PREX2: variants seen among roughly 807,000 people sequenced by gnomAD.
PREX2 encodes the protein phosphatidylinositol-3,4,5-trisphosphate dependent Rac exchange factor 2, also known as phosphatidylinositol 3,4,5-trisphosphate-dependent Rac exchanger 2 protein.
In PREX2, 107 loss-of-function variants were observed where a neutral mutation model predicts 203.2. The observed-to-expected ratio is 0.53, with a 90% CI of 0.45 to 0.62. PREX2 has a LOEUF of 0.62. Among genes scored for constraint, PREX2 ranks in the 20% least tolerant of loss-of-function variants. The pLI, the probability that PREX2 is intolerant of heterozygous loss-of-function variation, is 0.00. For missense variants in PREX2, 1,777 were observed against 1,955.9 expected (o/e 0.91, Z 1.72); for synonymous variants, 672 against 663.6 (o/e 1.01, Z -0.19).
At chr8:68,154,422 A>AT (rs1213612507) in intron 34 of PREX2, among the ~76,000 whole-genome samples, 1 of 152,234 alleles carries the variant, frequency 6.6e-6, no homozygotes, top group Non-Finnish European at 1.5e-5. Context: ...AATCTCAGAT[A>AT]TTAATTACCT....
chr8:68,230,075 AC>A (rs1284780590), intron 39 of PREX2, among the ~76,000 whole-genome samples: 1 of 152,182 alleles, frequency 6.6e-6, no homozygotes, highest in Non-Finnish European at 1.5e-5. Context: ...GACTTGAAAT[AC>A]GTTTTGCAAA....
At chr8:68,125,588 C>T (rs575689503) in intron 30 of PREX2, among the ~76,000 whole-genome samples, 18 of 152,216 alleles carry the variant, frequency 1.2e-4, no homozygotes, top group South Asian at 6.2e-4. Context: ...GTCCCTAAGA[C>T]GATGCCTATC....
intron 35 of PREX2, among the ~76,000 whole-genome samples, chr8:68,157,958 T>C (rs1457086396): frequency 6.6e-6 from 1 of 151,772 alleles, no homozygotes; most frequent in Non-Finnish European, 1.5e-5. Context: ...GTGTTACTGG[T>C]ACAATGATAA....
At position 68,236,107 on chromosome 8, in the gene PREX2, G is replaced by GA; in HGVS notation, c.*4731dup. 6.6e-6 allele frequency: 1 copy of GA among 152,216 alleles called. No homozygotes were observed. Among genetic ancestry groups the GA allele is most frequent in the South Asian group, 2.1e-4 (1 of 4,822 alleles). The allele number at this position is 152,216 out of a possible 1,614,324, so 9.4% of individuals were successfully genotyped here. ...AATCGAGTTGTTCAATGTATTGAAT[G>GA]AATGTCTTACTGTAAGCATCAGAGC... On this transcript the variant is annotated 3_prime_UTR_variant, in exon 40 of 40. Coordinates refer to ENST00000288368, the MANE Select transcript of PREX2 (RefSeq NM_024870.4).
At chr8:68,211,944 T>C (rs1005111804) in intron 37 of PREX2, among the ~76,000 whole-genome samples, 1 of 152,212 alleles carries the variant, frequency 6.6e-6, no homozygotes, top group African/African-American at 2.4e-5. Flanking sequence ...GGTTGGGTAT[T>C]TAGTAAATTA....
chr8:68,197,598 C>T (rs1477026177), intron 37 of PREX2, among the ~76,000 whole-genome samples: 1 of 151,748 alleles, frequency 6.6e-6, no homozygotes, highest in Non-Finnish European at 1.5e-5. Flanking sequence ...CTTAATATTA[C>T]CACATTGGTG....
At chr8:68,097,352 T>G in intron 22 of PREX2, 151 bp downstream of exon 22, 1 of 636,772 alleles carries the variant, frequency 1.6e-6, no homozygotes, top group Non-Finnish European at 2.6e-6. Context: ...TGAGACAGAA[T>G]ATCACTCTGT....
chr8:68,199,429 A>G (rs1055436749), intron 37 of PREX2, among the ~76,000 whole-genome samples: 3 of 152,228 alleles, frequency 2.0e-5, no homozygotes, highest in Admixed American at 6.5e-5. Flanking sequence ...ACATTTAACA[A>G]TGCTGCAGAC....
At chr8:68,058,736 G>A (rs1035203266) in intron 10 of PREX2, among the ~76,000 whole-genome samples, 2 of 152,014 alleles carry the variant, frequency 1.3e-5, no homozygotes, top group South Asian at 2.1e-4. Context: ...TGCCCGGCCC[G>A]ACATTCTTAA....
chr8:68,159,346 C>T (rs1005252872), intron 35 of PREX2, among the ~76,000 whole-genome samples: 14 of 152,162 alleles, frequency 9.2e-5, no homozygotes, highest in Non-Finnish European at 1.9e-4. Context: ...TGTTATGATG[C>T]TTTGCCTACT....
intron 1 of PREX2, among the ~76,000 whole-genome samples, chr8:67,984,111 G>C (rs1451128638): frequency 5.9e-5 from 9 of 152,120 alleles, no homozygotes; most frequent in Non-Finnish European, 1.5e-5. Flanking sequence ...TCGTTCTAAG[G>C]TGTCAGCTTC....
At chr8:68,224,793 A>G (rs776495726) in intron 39 of PREX2, among the ~76,000 whole-genome samples, 167 bp downstream of exon 39, 30 of 152,048 alleles carry the variant, frequency 2.0e-4, no homozygotes, top group Middle Eastern at 3.2e-3. Context: ...TTACACATAA[A>G]TGCTCTCAGA....
chr8:68,233,830 G>A lies in PREX2; in HGVS notation c.*2452G>A, dbSNP rs1221948326. ...AACCCAGGAAGTCTGCCTTCTTAAT[G>A]CATTATGCTACTTTTCCTTATCAAT... On this transcript the variant is annotated 3_prime_UTR_variant, in exon 40 of 40. Transcript: ENST00000288368. The A allele has an allele frequency of 1.3e-5, 2 of 152,100 alleles. No homozygotes were observed. Among genetic ancestry groups the A allele is most frequent in the Non-Finnish European group, 2.9e-5 (2 of 68,028 alleles). 9.4% of individuals were successfully genotyped at this position (152,100 alleles called of 1,614,324 possible). A position where few individuals can be genotyped will look rare whatever the true frequency, so the allele number is the denominator to read the frequency against.
chr8:68,111,339 T>C (rs1810530671), intron 25 of PREX2, among the ~76,000 whole-genome samples: 1 of 152,168 alleles, frequency 6.6e-6, no homozygotes, highest in South Asian at 2.1e-4. Context: ...CTTTACTGCA[T>C]TGACGATCTA....
intron 1 of PREX2, among the ~76,000 whole-genome samples, chr8:67,977,851 T>C (rs1409976283): frequency 2.6e-5 from 4 of 152,204 alleles, no homozygotes; most frequent in Non-Finnish European, 5.9e-5. Flanking sequence ...AGAAAAGGCA[T>C]GGAAGCTCTG....
intron 30 of PREX2, among the ~76,000 whole-genome samples, chr8:68,125,053 G>T (rs570135079): frequency 4.6e-5 from 7 of 152,138 alleles, no homozygotes; most frequent in Admixed American, 1.3e-4. Flanking sequence ...TCATCTCAAT[G>T]GACTATGCAA....
chr8:68,208,561 C>T (rs1018213599), intron 37 of PREX2, among the ~76,000 whole-genome samples: 9 of 152,064 alleles, frequency 5.9e-5, no homozygotes, highest in African/African-American at 2.2e-4. Flanking sequence ...CTGTTTCATG[C>T]AGATGCTTAT....
At chr8:67,967,611 G>C (rs1805811102) in intron 1 of PREX2, among the ~76,000 whole-genome samples, 1 of 152,194 alleles carries the variant, frequency 6.6e-6, no homozygotes, top group Non-Finnish European at 1.5e-5. Context: ...GCGAGGGGAT[G>C]GAAGCATTGA....
At chr8:68,075,444 C>A (rs1183360931) in intron 14 of PREX2, among the ~76,000 whole-genome samples, 1 of 152,114 alleles carries the variant, frequency 6.6e-6, no homozygotes, top group East Asian at 1.9e-4. Flanking sequence ...TTTCATGTAC[C>A]CTCTAAAGCT....
Sources: gnomAD v4.1 joint callset for allele counts (sites outside exome capture counted in the v4.1 genomes callset) on GRCh38, gnomAD v4.1.1 for gene constraint, MANE v1.5 for transcripts, NCBI Gene and HGNC (gene_info 2026-07-23, HGNC 2026-07-21) for gene names.